The following DLGAP1 variants were observed in gnomAD, a reference collection of about 807,000 sequenced individuals.
The protein encoded by DLGAP1 is DLG associated protein 1.
Under a neutral mutation model 90.8 loss-of-function variants are expected in DLGAP1, and 11 were observed. The ratio of observed to expected loss-of-function variants is 0.12; its 90% CI spans 0.08 to 0.20. DLGAP1 has a LOEUF of 0.20. Ranked by LOEUF, DLGAP1 falls within the 10% of genes least tolerant of loss-of-function variation. The pLI is 1.00. For synonymous variants in DLGAP1, 558 were observed against 540.7 expected, an observed-to-expected ratio of 1.03 and a Z score of -0.44; for missense variants, 1,050 against 1,333.8, an observed-to-expected ratio of 0.79 and a Z score of 3.31.
intron 1 of DLGAP1, among the ~76,000 whole-genome samples, chr18:4,311,601 G>A (rs2143460128): frequency 6.6e-6 from 1 of 152,098 alleles, no homozygotes; most frequent in East Asian, 1.9e-4. Flanking sequence ...GAAATTATAG[G>A]CCATTAGTGG....
intron 4 of DLGAP1, among the ~76,000 whole-genome samples, chr18:3,850,518 C>T (rs1384628010): frequency 6.6e-6 from 1 of 152,144 alleles, no homozygotes; most frequent in Non-Finnish European, 1.5e-5. Context: ...ATATTAAGCT[C>T]GAATTTTTGT....
chr18:4,453,326 A>G (rs980587668), intron 1 of DLGAP1, among the ~76,000 whole-genome samples: 5 of 151,738 alleles, frequency 3.3e-5, no homozygotes, highest in Non-Finnish European at 7.4e-5. Context: ...TTATTTCTTT[A>G]TAGGCTTGAA....
intron 5 of DLGAP1, among the ~76,000 whole-genome samples, chr18:3,743,223 T>C (rs2147712212): frequency 6.6e-6 from 1 of 152,286 alleles, no homozygotes; most frequent in Middle Eastern, 3.4e-3. Context: ...GGTCCCTCTG[T>C]CTCCCCTTGT....
intron 3 of DLGAP1, among the ~76,000 whole-genome samples, chr18:3,924,818 T>C (rs1175753497): frequency 6.6e-6 from 1 of 152,224 alleles, no homozygotes; most frequent in African/African-American, 2.4e-5. Context: ...GGGTTTTTGT[T>C]TGTTTGTTTT....
At chr18:4,304,184 G>A (rs1445498529) in intron 1 of DLGAP1, among the ~76,000 whole-genome samples, 1 of 152,176 alleles carries the variant, frequency 6.6e-6, no homozygotes, top group East Asian at 1.9e-4. Context: ...CAGATTTTAA[G>A]TGGAGGAAGA....
At chr18:3,623,997 G>C (rs2058200976) in intron 7 of DLGAP1, among the ~76,000 whole-genome samples, 1 of 152,160 alleles carries the variant, frequency 6.6e-6, no homozygotes, top group Non-Finnish European at 1.5e-5. Context: ...ACATCATCCA[G>C]ACAGCTGCTG....
chr18:4,259,878 CTG>C (rs1368144146), intron 1 of DLGAP1, among the ~76,000 whole-genome samples: 1 of 152,170 alleles, frequency 6.6e-6, no homozygotes, highest in Non-Finnish European at 1.5e-5. Context: ...AATAATCTCT[CTG>C]TGTTAGGTCT....
At chr18:4,201,391 A>G (rs541028153) in intron 1 of DLGAP1, among the ~76,000 whole-genome samples, 20 of 152,166 alleles carry the variant, frequency 1.3e-4, no homozygotes, top group African/African-American at 4.8e-4. Flanking sequence ...CCTTTCCCCA[A>G]TGTATGATTT....
intron 3 of DLGAP1, among the ~76,000 whole-genome samples, chr18:3,954,566 C>T (rs879036523): frequency 3.3e-5 from 5 of 152,182 alleles, no homozygotes; most frequent in Admixed American, 1.3e-4. Context: ...AGTTATGTGA[C>T]TTATCTCTCC....
chr18:3,867,960 A>G (rs540997579), intron 4 of DLGAP1, among the ~76,000 whole-genome samples: 2 of 152,242 alleles, frequency 1.3e-5, no homozygotes, highest in African/African-American at 4.8e-5. Flanking sequence ...AGCTACCTAC[A>G]CGATAATTTT....
chr18:4,338,828 G>C (rs1003881804), intron 1 of DLGAP1, among the ~76,000 whole-genome samples: 1 of 152,060 alleles, frequency 6.6e-6, no homozygotes, highest in African/African-American at 2.4e-5. Context: ...GGTCACCAAG[G>C]CACTGATCAG....
At chr18:4,002,967 T>C (rs568843538) in intron 3 of DLGAP1, among the ~76,000 whole-genome samples, 3 of 152,318 alleles carry the variant, frequency 2.0e-5, no homozygotes, top group East Asian at 1.9e-4. Context: ...TGGATGCTGA[T>C]ACAAGGCCAG....
At chr18:4,335,734 TC>T (rs2081054914) in intron 1 of DLGAP1, among the ~76,000 whole-genome samples, 1 of 152,184 alleles carries the variant, frequency 6.6e-6, no homozygotes, top group Non-Finnish European at 1.5e-5. Flanking sequence ...CTGTTTTAAG[TC>T]CTCAGGAATC....
intron 3 of DLGAP1, among the ~76,000 whole-genome samples, chr18:3,976,539 G>A (rs2073584461): frequency 6.6e-6 from 1 of 152,042 alleles, no homozygotes; most frequent in African/African-American, 2.4e-5. Flanking sequence ...TTTTTATATA[G>A]TATTAATTTT....
chr18:3,801,695 G>T (rs1408883170), intron 5 of DLGAP1, among the ~76,000 whole-genome samples: 1 of 152,034 alleles, frequency 6.6e-6, no homozygotes, highest in Non-Finnish European at 1.5e-5. Flanking sequence ...ATTCTTCAAG[G>T]TGATTTTTTG....
In DLGAP1 at chr18:4,336,730, T is replaced by A. The variant is rs74931078; in HGVS notation, c.-267+118276A>T. On this transcript the variant is annotated intron_variant, in intron 1 of 12. Transcript: ENST00000315677. ...TATTAACAGTTGATATGGACATGTA[T>A]CGAACAAAGGAGCTTCAATGAATAA... Among the ~76,000 whole-genome samples, 491 of 152,270 alleles carry A rather than the reference T, an allele frequency of 3.2e-3. 3 individuals carry two copies. Among genetic ancestry groups the A allele is most frequent in the African/African-American group, 0.011 (464 of 41,558 alleles).
At chr18:3,542,137 A>G (rs1205549916) in intron 9 of DLGAP1, among the ~76,000 whole-genome samples, 3 of 152,234 alleles carry the variant, frequency 2.0e-5, no homozygotes, top group African/African-American at 7.2e-5. Flanking sequence ...GTAATGTATA[A>G]AAGGTATACT....
chr18:4,117,670 G>C (rs991233952), intron 2 of DLGAP1, among the ~76,000 whole-genome samples: 1 of 152,152 alleles, frequency 6.6e-6, no homozygotes, highest in African/African-American at 2.4e-5. Flanking sequence ...ATAATTATGT[G>C]TTTGCCTTCA....
chr18:3,641,354 T>C (rs1448169359), intron 7 of DLGAP1, among the ~76,000 whole-genome samples: 2 of 151,336 alleles, frequency 1.3e-5, no homozygotes, highest in Non-Finnish European at 2.9e-5. Context: ...CTGACCAACA[T>C]GAGGAAATCC....
Sources: allele counts gnomAD v4.1 joint callset (sites outside exome capture counted in the v4.1 genomes callset), GRCh38; gene constraint gnomAD v4.1.1; transcripts MANE v1.5; gene names NCBI Gene and HGNC (gene_info 2026-07-23, HGNC 2026-07-21).